SH3KBP1: variants seen among roughly 807,000 people sequenced by gnomAD.
SH3KBP1 encodes SH3 domain-containing kinase-binding protein 1.
In SH3KBP1, 8 loss-of-function variants were observed where a neutral mutation model predicts 50.1. That is an observed-to-expected ratio of 0.16 (90% confidence interval 0.09 to 0.29). The LOEUF (loss-of-function observed/expected upper bound fraction) is 0.29. Among genes scored for constraint, SH3KBP1 ranks in the 10% least tolerant of loss-of-function variants. The pLI is 1.00. For missense variants in SH3KBP1, 377 were observed against 535.2 expected (o/e 0.70, Z 2.92); for synonymous variants, 227 against 218.6 (o/e 1.04, Z -0.34).
At chrX:19,539,427 G>T (rs906200210) in intron 16 of SH3KBP1, among the ~76,000 whole-genome samples, 4 of 111,616 alleles carry the variant, frequency 3.6e-5, no homozygotes, top group African/African-American at 1.3e-4. Flanking sequence ...TTATTTAAGC[G>T]CACATCATGC....
intron 2 of SH3KBP1, among the ~76,000 whole-genome samples, chrX:19,799,264 GCTAT>G (rs2066822243): frequency 9.0e-6 from 1 of 111,505 alleles, no homozygotes; most frequent in African/African-American, 3.3e-5. Context: ...GTTGAATGCA[GCTAT>G]CTGTGTGCCG....
chrX:19,829,474 C>T (rs1252054701), intron 2 of SH3KBP1, among the ~76,000 whole-genome samples: 7 of 107,656 alleles, frequency 6.5e-5, no homozygotes, highest in African/African-American at 2.4e-4. Flanking sequence ...AGGGGCTGGG[C>T]GCAGTGGCTC....
At chrX:19,554,376 A>T (rs762994305) in intron 13 of SH3KBP1, among the ~76,000 whole-genome samples, 3 of 93,373 alleles carry the variant, frequency 3.2e-5, no homozygotes, top group African/African-American at 8.3e-5. Flanking sequence ...ATTAAAATAT[A>T]ATATATATCA....
At chrX:19,808,773 T>C (rs1027101411) in intron 2 of SH3KBP1, among the ~76,000 whole-genome samples, 6 of 112,305 alleles carry the variant, frequency 5.3e-5, no homozygotes, top group African/African-American at 1.9e-4. Context: ...AAGGCACCTC[T>C]TTCCAGATTT....
intron 2 of SH3KBP1, among the ~76,000 whole-genome samples, chrX:19,819,784 T>G (rs1175779288): frequency 9.0e-6 from 1 of 111,711 alleles, no homozygotes; most frequent in African/African-American, 3.3e-5. Context: ...TTTTTCTAGT[T>G]TCTTGAGGTA....
intron 2 of SH3KBP1, among the ~76,000 whole-genome samples, chrX:19,788,401 G>A (rs958343215): frequency 1.8e-5 from 2 of 109,912 alleles, no homozygotes; most frequent in Admixed American, 9.8e-5. Context: ...CCCAAAGATC[G>A]CCAGCAAACC....
intron 12 of SH3KBP1, among the ~76,000 whole-genome samples, chrX:19,577,370 T>G (rs1398910040): frequency 9.0e-6 from 1 of 111,589 alleles, no homozygotes; most frequent in Non-Finnish European, 1.9e-5. Context: ...TTGGAGACAG[T>G]GAGTTATCAA....
At chrX:19,853,544 A>C (rs1300314730) in intron 1 of SH3KBP1, among the ~76,000 whole-genome samples, 1 of 111,677 alleles carries the variant, frequency 9.0e-6, no homozygotes, top group East Asian at 2.8e-4. Flanking sequence ...ACCCAGAAAA[A>C]AAATGGTAGA....
chrX:19,589,381 C>T (rs1384536914), intron 11 of SH3KBP1, among the ~76,000 whole-genome samples: 1 of 111,468 alleles, frequency 9.0e-6, no homozygotes, highest in Non-Finnish European at 1.9e-5. Context: ...AGAGGCCTGA[C>T]ACGTCTCAGG....
rs918116967 is a variant in SH3KBP1 at position 19,789,944 on chromosome X, C to T, written c.163-43503G>A. On this transcript the variant is annotated intron_variant, in intron 2 of 17. Transcript: ENST00000397821. The stretch of plus-strand genomic sequence containing the variant: ...GTTTGTTCCCTTTTTAAGACTCTCT[C>T]GAGGTCATCCCCTGGGAAAGGCCAG... 3.6e-5 allele frequency among the ~76,000 whole-genome samples: 4 copies of T among 110,218 alleles called. No homozygotes were observed. The Admixed American group carries it at 3.9e-4, about 11-fold the overall frequency.
chrX:19,811,054 AACT>A (rs1266751903), intron 2 of SH3KBP1, among the ~76,000 whole-genome samples: 1 of 112,368 alleles, frequency 8.9e-6, no homozygotes, highest in African/African-American at 3.2e-5. Context: ...GAGTAGCTGA[AACT>A]ACTTTCATAG....
At chrX:19,877,440 C>T (rs1175959335) in intron 1 of SH3KBP1, among the ~76,000 whole-genome samples, 1 of 111,859 alleles carries the variant, frequency 8.9e-6, no homozygotes, top group Admixed American at 9.5e-5. Flanking sequence ...CAGTCTTCAT[C>T]CAAAATGAGG....
At chrX:19,848,632 T>C (rs377466520) in intron 1 of SH3KBP1, among the ~76,000 whole-genome samples, 1 of 112,386 alleles carries the variant, frequency 8.9e-6, no homozygotes, top group African/African-American at 3.2e-5. Context: ...GATAACCAAA[T>C]GGTTGATGAG....
intron 8 of SH3KBP1, among the ~76,000 whole-genome samples, chrX:19,613,286 C>T (rs983328628): frequency 1.7e-4 from 19 of 112,124 alleles, no homozygotes; most frequent in African/African-American, 5.5e-4. Flanking sequence ...TAACTCCAGA[C>T]GACAGTCACC....
chrX:19,668,495 A>G (rs2062673422), intron 6 of SH3KBP1, among the ~76,000 whole-genome samples: 1 of 106,076 alleles, frequency 9.4e-6, no homozygotes, highest in Non-Finnish European at 1.9e-5. Context: ...AACATTTGAT[A>G]TGACTTCATT....
At chrX:19,683,727 T>A in intron 6 of SH3KBP1, 96 bp downstream of exon 6, 1 of 806,556 alleles carries the variant, frequency 1.2e-6, no homozygotes. Context: ...ATGGAAACCC[T>A]AAAAGAGGAA....
intron 1 of SH3KBP1, among the ~76,000 whole-genome samples, chrX:19,848,189 A>G (rs1306390462): frequency 8.9e-6 from 1 of 112,303 alleles, no homozygotes; most frequent in Non-Finnish European, 1.9e-5. Context: ...AAAGAAAGCC[A>G]GCTACCCTTA....
chrX:19,560,744 G>A (rs1427922366), intron 13 of SH3KBP1, among the ~76,000 whole-genome samples: 2 of 110,752 alleles, frequency 1.8e-5, no homozygotes, highest in Non-Finnish European at 3.8e-5. Context: ...CAAGATGTAT[G>A]GGTCATTTCA....
intron 15 of SH3KBP1, 86 bp from the exon 16 acceptor site, chrX:19,542,279 A>C: frequency 1.1e-6 from 1 of 890,498 alleles, no homozygotes; most frequent in Non-Finnish European, 1.5e-6. Context: ...CTCCGTTAAC[A>C]CCACTGTCCC....
Sources: gnomAD v4.1 joint callset for allele counts (sites outside exome capture counted in the v4.1 genomes callset) on GRCh38, gnomAD v4.1.1 for gene constraint, MANE v1.5 for transcripts, NCBI Gene and HGNC (gene_info 2026-07-23, HGNC 2026-07-21) for gene names.